Variants in CXXC4 observed in about 807,000 individuals in gnomAD.
CXXC4 encodes the protein CXXC-type zinc finger protein 4.
CXXC4 carries 5 observed loss-of-function variants against 20.5 expected under a neutral mutation model. That is an observed-to-expected ratio of 0.24 (90% CI 0.13 to 0.51). CXXC4 has a LOEUF of 0.51. CXXC4 is among the 20% of genes least tolerant of loss of function. CXXC4 has a pLI of 0.97. For synonymous variants in CXXC4, 250 were observed against 216.4 expected, an observed-to-expected ratio of 1.16 and a Z score of -1.36; for missense variants, 419 against 496.4, an observed-to-expected ratio of 0.84 and a Z score of 1.48.
At chr4:104,493,478 T>C (rs1397385004) in intron 1 of CXXC4, among the ~76,000 whole-genome samples, 2 of 152,134 alleles carry the variant, frequency 1.3e-5, no homozygotes, top group Non-Finnish European at 2.9e-5. Context: ...AATGAACCAG[T>C]TATGCCCAAA....
At chr4:104,477,759 A>G (rs1256390940) in intron 2 of CXXC4, among the ~76,000 whole-genome samples, 1 of 151,996 alleles carries the variant, frequency 6.6e-6, no homozygotes, top group Middle Eastern at 3.2e-3. Flanking sequence ...ATATAAGTAT[A>G]TACTTGTTTC....
In CXXC4 at chr4:104,490,771, T is replaced by C. The variant is rs779928606; in HGVS notation, c.1032A>G (p.Leu344=). ...QICKFRKCEE[L]KKKPGTSLER... ...CTAGTGAAGTGCCAGGTTTTTTCTT[T>C]AGCTCTTCACATTTTCTAAATTTGC... The change falls in exon 2 of 3, where the codon CTA becomes CTG. Residue 344 remains leucine (L), a synonymous_variant. Coordinates refer to ENST00000394767, the MANE Select transcript of CXXC4 (RefSeq NM_025212.4). The C allele has an allele frequency of 6.2e-7, 1 of 1,613,962 alleles. No homozygotes were observed. Among genetic ancestry groups the C allele is most frequent in the Admixed American group, 1.7e-5 (1 of 59,986 alleles).
intron 1 of CXXC4, chr4:104,494,494 A>G (rs1302641963): frequency 2.6e-5 from 4 of 152,174 alleles, no homozygotes; most frequent in Non-Finnish European, 4.4e-5. Flanking sequence ...AAGAGAAAGA[A>G]CAATCACTTA....
chr4:104,469,203 G>A lies in CXXC4; in HGVS notation c.*3119C>T, dbSNP rs923211126. On this transcript the variant is annotated 3_prime_UTR_variant, in exon 3 of 3. Coordinates refer to ENST00000394767, the MANE Select transcript of CXXC4 (RefSeq NM_025212.4). ...CATCAGAAAGCCACTTTGGTCTGAAGGCTTAGTGAGAGGTTTGCATTAATG... is the reference window on the plus strand; with the variant it reads ...CATCAGAAAGCCACTTTGGTCTGAAAGCTTAGTGAGAGGTTTGCATTAATG... 2 of 152,006 alleles carry A rather than the reference G, an allele frequency of 1.3e-5. No homozygotes were observed. The highest frequency in any genetic ancestry group is 2.9e-5 in the Non-Finnish European group (2 of 67,978). 9.4% of individuals were successfully genotyped at this position (152,006 alleles called of 1,614,324 possible).
chr4:104,472,991 C>A (rs1159815771), intron 2 of CXXC4, among the ~76,000 whole-genome samples: 1 of 151,678 alleles, frequency 6.6e-6, no homozygotes, highest in Non-Finnish European at 1.5e-5. Flanking sequence ...CTCTAACCAC[C>A]CTACCAAAAA....
rs1437629541 is a variant in CXXC4 at position 104,491,808 on chromosome 4, A to G, written c.-6T>C. On this transcript the variant is annotated 5_prime_UTR_variant, in exon 2 of 3. Coordinates refer to ENST00000394767, the MANE Select transcript of CXXC4 (RefSeq NM_025212.4). ...ACGCAGACATTGGTGTTCATGGTGC[A>G]GGGGGGGAAGAAGGGGTGCAGGGTG... The G allele has an allele frequency of 7.9e-7, 1 of 1,266,496 alleles. No homozygotes were observed. Among genetic ancestry groups the G allele is most frequent in the Non-Finnish European group, 1.0e-6 (1 of 982,170 alleles). 78.5% of individuals were successfully genotyped at this position (1,266,496 alleles called of 1,614,324 possible).
In CXXC4 at chr4:104,471,688, A is replaced by G. The variant is rs1736280684; in HGVS notation, c.*634T>C. The stretch of plus-strand genomic sequence containing the variant: ...ACTGAAGGTAATTGGTGGATGCATC[A>G]TAATCTTTTAGTCTTGTAAAACTTG... On this transcript the variant is annotated 3_prime_UTR_variant, in exon 3 of 3. Transcript: ENST00000394767. 6.6e-6 allele frequency: 1 copy of G among 152,098 alleles called. No homozygotes were observed. Among genetic ancestry groups the G allele is most frequent in the Non-Finnish European group, 1.5e-5 (1 of 67,992 alleles). 9.4% of individuals were successfully genotyped at this position (152,098 alleles called of 1,614,324 possible).
intron 2 of CXXC4, among the ~76,000 whole-genome samples, chr4:104,480,155 T>C (rs904150557): frequency 6.6e-6 from 1 of 152,224 alleles, no homozygotes; most frequent in African/African-American, 2.4e-5. Context: ...TCAGGAAGTT[T>C]TCATGAACTA....
intron 2 of CXXC4, among the ~76,000 whole-genome samples, chr4:104,482,482 T>C (rs190054472): frequency 7.9e-4 from 120 of 152,266 alleles, no homozygotes; most frequent in African/African-American, 2.8e-3. Flanking sequence ...TCACTTCTTA[T>C]ACACCTACAT....
At chr4:104,475,756 A>C (rs1736385249) in intron 2 of CXXC4, among the ~76,000 whole-genome samples, 3 of 152,158 alleles carry the variant, frequency 2.0e-5, no homozygotes. Flanking sequence ...TGATGAGATT[A>C]CAGTGACTTT....
intron 2 of CXXC4, among the ~76,000 whole-genome samples, chr4:104,476,964 G>A (rs998992346): frequency 2.6e-5 from 4 of 152,066 alleles, no homozygotes; most frequent in African/African-American, 9.7e-5. Flanking sequence ...ACCACCTACT[G>A]TATAACCTTT....
intron 2 of CXXC4, among the ~76,000 whole-genome samples, chr4:104,475,458 C>T (rs1012378003): frequency 1.3e-5 from 2 of 152,046 alleles, no homozygotes; most frequent in African/African-American, 4.8e-5. Context: ...TCATCAGGAA[C>T]AATGGAAATG....
intron 2 of CXXC4, among the ~76,000 whole-genome samples, chr4:104,478,809 A>G (rs911434892): frequency 3.9e-5 from 6 of 152,128 alleles, no homozygotes; most frequent in Non-Finnish European, 8.8e-5. Flanking sequence ...AGAATGTGAA[A>G]GAAAATTAGA....
Position 104,491,313 on chromosome 4 carries a change from C to T in CXXC4, c.490G>A (p.Gly164Ser), listed in dbSNP as rs376897811. Residue 164 changes from glycine to serine, a missense_variant, in exon 2 of 3, where the codon GGC becomes AGC. Physicochemically the swap from Gly to Ser is moderately conservative, Grantham distance 56. Transcript: ENST00000394767. ...TGGTGCATGCTGGTCCTGCTGCCGC[C>T]GCCGCCGCCGCCGCCGCCACCGCCG... ...PAGGGGGGGG[G>S]GSRTSMHHRN... 7.8e-6 allele frequency: 12 copies of T among 1,547,054 alleles called. No individual in the cohort carries two copies. Among genetic ancestry groups the T allele is most frequent in the African/African-American group, 1.4e-5 (1 of 70,594 alleles).
At chr4:104,490,715 C>T in intron 2 of CXXC4, 29 bp downstream of exon 2, 1 of 1,570,090 alleles carries the variant, frequency 6.4e-7, no homozygotes, top group Non-Finnish European at 8.7e-7. Context: ...AGGGGGGAGA[C>T]TGGGAAACAA....
intron 2 of CXXC4, among the ~76,000 whole-genome samples, chr4:104,478,507 G>A (rs758579508): frequency 6.6e-6 from 1 of 151,962 alleles, no homozygotes; most frequent in East Asian, 1.9e-4. Flanking sequence ...TTTGGCCATA[G>A]GTCTAATATA....
At chr4:104,493,726 C>T (rs780336771) in intron 1 of CXXC4, among the ~76,000 whole-genome samples, 1 of 152,132 alleles carries the variant, frequency 6.6e-6, no homozygotes, top group Non-Finnish European at 1.5e-5. Flanking sequence ...ACAAAAGGTG[C>T]CCCCAAAATG....
chr4:104,491,743 C>T lies in CXXC4; in HGVS notation c.60G>A (p.Lys20=). The change falls in exon 2 of 3, where the codon AAG becomes AAA. Residue 20 remains lysine (K), a synonymous_variant. Transcript: ENST00000394767. Reference sequence around the variant, plus strand: ...GAGCCCCCTCGGGCAAGTGGCTTTCCTTGGGCAAGCCCGGGGCCTCCGGGC... The same window carrying T: ...GAGCCCCCTCGGGCAAGTGGCTTTCTTTGGGCAAGCCCGGGGCCTCCGGGC... ...GPSPEAPGLP[K]ESHLPEGALN... is the part of the protein sequence containing the mutation. 1 of 1,539,980 alleles carries T rather than the reference C, an allele frequency of 6.5e-7. No homozygotes were observed. The highest frequency in any genetic ancestry group is 1.2e-5 in the South Asian group (1 of 82,764).
At chr4:104,475,255 C>T (rs1736374484) in intron 2 of CXXC4, 1 of 151,762 alleles carries the variant, frequency 6.6e-6, no homozygotes, top group Non-Finnish European at 1.5e-5. Flanking sequence ...GGTCAAGAAG[C>T]CTAAAAATGA....
Sources: allele counts gnomAD v4.1 joint callset (sites outside exome capture counted in the v4.1 genomes callset), GRCh38; gene constraint gnomAD v4.1.1; transcripts MANE v1.5; gene names NCBI Gene and HGNC (gene_info 2026-07-23, HGNC 2026-07-21).